ANKRD30B: variants seen among roughly 807,000 people sequenced by gnomAD.
ANKRD30B encodes the protein ankyrin repeat domain-containing protein 30B.
In ANKRD30B, 144 loss-of-function variants were observed where a neutral mutation model predicts 202.2. The observed-to-expected ratio is 0.71, with a 90% CI of 0.62 to 0.82. The LOEUF (loss-of-function observed/expected upper bound fraction) is 0.82, where lower values mean the gene tolerates loss of function less well. Ranked by LOEUF, ANKRD30B falls within the 40% of genes least tolerant of loss-of-function variation. ANKRD30B has a pLI of 0.00. For synonymous variants in ANKRD30B, 508 were observed against 561.3 expected, an observed-to-expected ratio of 0.91 and a Z score of 1.34; for missense variants, 1,487 against 1,669.1, an observed-to-expected ratio of 0.89 and a Z score of 1.90.
the ANKRD30B span, among the ~76,000 whole-genome samples, chr18:14,907,040 A>T: frequency 6.6e-6 from 1 of 152,192 alleles, no homozygotes; most frequent in Non-Finnish European, 1.5e-5. Context: ...ATAAGGAATT[A>T]TGGAGGTCAA....
At chr18:14,879,798 G>A in the ANKRD30B span, among the ~76,000 whole-genome samples, 2 of 151,866 alleles carry the variant, frequency 1.3e-5, no homozygotes, top group Non-Finnish European at 2.9e-5. Flanking sequence ...TAAGGGTCAG[G>A]GTCAGGGGTC....
chr18:14,788,238 G>A (rs538252414), intron 15 of ANKRD30B, among the ~76,000 whole-genome samples: 3 of 152,128 alleles, frequency 2.0e-5, no homozygotes, highest in Admixed American at 6.6e-5. Context: ...TACAATATAA[G>A]TTAGATATTT....
chr18:14,912,041 T>C, the ANKRD30B span, among the ~76,000 whole-genome samples: 3 of 152,186 alleles, frequency 2.0e-5, no homozygotes, highest in African/African-American at 7.2e-5. Context: ...TAGAGTTTTC[T>C]ACATATAGAT....
chr18:14,935,833 G>A, the ANKRD30B span, among the ~76,000 whole-genome samples: 6 of 152,246 alleles, frequency 3.9e-5, no homozygotes, highest in African/African-American at 1.2e-4. Flanking sequence ...CACAGAGACT[G>A]TCTCAAGGAT....
chr18:14,892,236 G>A, the ANKRD30B span, among the ~76,000 whole-genome samples: 1 of 152,076 alleles, frequency 6.6e-6, no homozygotes, highest in Non-Finnish European at 1.5e-5. Context: ...CAGTTATTAG[G>A]GACTGGAATC....
At chr18:14,774,004 A>G (rs1967192680) in intron 9 of ANKRD30B, among the ~76,000 whole-genome samples, 1 of 152,152 alleles carries the variant, frequency 6.6e-6, no homozygotes, top group South Asian at 2.1e-4. Context: ...TTACTCTAAA[A>G]TTCTGATTAC....
At chr18:14,810,082 A>T in intron 27 of ANKRD30B, 26 bp from the exon 28 acceptor site, 1 of 1,480,278 alleles carries the variant, frequency 6.8e-7, no homozygotes, top group Non-Finnish European at 9.3e-7. Flanking sequence ...TTATCTATTA[A>T]TTTTTGTGTT....
chr18:14,796,948 T>C (rs1387737833), intron 18 of ANKRD30B, among the ~76,000 whole-genome samples: 6 of 152,286 alleles, frequency 3.9e-5, no homozygotes, highest in Admixed American at 1.3e-4. Flanking sequence ...TACAATATAG[T>C]GTGTGCATCG....
downstream of ANKRD30B, among the ~76,000 whole-genome samples, chr18:14,855,844 A>G (rs1307228839): frequency 8.4e-5 from 12 of 142,092 alleles, no homozygotes; most frequent in East Asian, 2.7e-3. Context: ...GGCACTCCTC[A>G]CCTCCCAGAC....
chr18:14,781,857 C>G (rs143223791), intron 11 of ANKRD30B, among the ~76,000 whole-genome samples: 116 of 152,282 alleles, frequency 7.6e-4, no homozygotes, highest in Non-Finnish European at 8.5e-4. Context: ...CTTGAGTCAA[C>G]ACCATTAGAG....
intron 11 of ANKRD30B, among the ~76,000 whole-genome samples, chr18:14,781,918 G>GT (rs1302169014): frequency 6.6e-6 from 1 of 152,152 alleles, no homozygotes; most frequent in African/African-American, 2.4e-5. Context: ...AGCACCTGTG[G>GT]TACATCAAAG....
intron 32 of ANKRD30B, among the ~76,000 whole-genome samples, chr18:14,826,924 A>G (rs560947171): frequency 1.5e-4 from 23 of 152,266 alleles, no homozygotes; most frequent in African/African-American, 4.8e-4. Context: ...AACAATAACA[A>G]TATATTGTAA....
intron 39 of ANKRD30B, among the ~76,000 whole-genome samples, chr18:14,846,914 A>G (rs942952637): frequency 5.9e-5 from 9 of 151,592 alleles, no homozygotes; most frequent in East Asian, 1.9e-4. Context: ...AGTTTAATTT[A>G]TAATGTAATT....
At chr18:14,795,647 A>C (rs1323144073) in intron 16 of ANKRD30B, among the ~76,000 whole-genome samples, 1 of 152,204 alleles carries the variant, frequency 6.6e-6, no homozygotes, top group African/African-American at 2.4e-5. Flanking sequence ...CTTTTATTCT[A>C]TAAGTAGATA....
chr18:14,808,632 T>A (rs1298715437), intron 25 of ANKRD30B, 40 bp from the exon 26 acceptor site: 15 of 1,561,804 alleles, frequency 9.6e-6, no homozygotes, highest in Non-Finnish European at 1.3e-5. Context: ...TTTTGAAGTA[T>A]ACATTATATA....
At chr18:14,826,653 T>G (rs1400316365) in intron 32 of ANKRD30B, among the ~76,000 whole-genome samples, 2 of 147,350 alleles carry the variant, frequency 1.4e-5, no homozygotes, top group African/African-American at 2.6e-5. Context: ...AGATCTGTAT[T>G]GTTTCTCTCT....
chr18:14,845,083 C>T (rs547695461), intron 39 of ANKRD30B, among the ~76,000 whole-genome samples: 10 of 152,050 alleles, frequency 6.6e-5, no homozygotes, highest in African/African-American at 2.4e-4. Context: ...TGTGCTGAAG[C>T]TCTTTAGTTT....
chr18:14,775,040 T>A (rs1967267242), intron 9 of ANKRD30B, among the ~76,000 whole-genome samples: 1 of 152,120 alleles, frequency 6.6e-6, no homozygotes, highest in African/African-American at 2.4e-5. Flanking sequence ...GGCAGGAGAA[T>A]GGCATGAACC....
intron 30 of ANKRD30B, among the ~76,000 whole-genome samples, chr18:14,815,714 G>C (rs11872871): frequency 0.065 from 9,949 of 152,142 alleles, 1,165 homozygotes; most frequent in African/African-American, 0.23. Context: ...AGGTATTATA[G>C]TGATTTTAAC....
Sources: gnomAD v4.1 joint callset for allele counts (sites outside exome capture counted in the v4.1 genomes callset) on GRCh38, gnomAD v4.1.1 for gene constraint, MANE v1.5 for transcripts, NCBI Gene and HGNC (gene_info 2026-07-23, HGNC 2026-07-21) for gene names.